Variants in NRG1 observed in about 807,000 individuals in gnomAD.
The protein encoded by NRG1 is neuregulin 1, also known as pro-neuregulin-1, membrane-bound isoform.
NRG1 carries 18 observed loss-of-function variants against 63.8 expected under a neutral mutation model. That is an observed-to-expected ratio of 0.28 (90% CI 0.19 to 0.42). NRG1 has a LOEUF of 0.42. Ranked by LOEUF, NRG1 falls within the 10% of genes least tolerant of loss-of-function variation. NRG1 has a pLI of 1.00. For synonymous variants in NRG1, 302 were observed against 301.3 expected (o/e 1.00, Z -0.02); for missense variants, 762 against 814.7 (o/e 0.94, Z 0.79).
At chr8:31,903,755 G>C (rs1832296705) in intron 1 of NRG1, among the ~76,000 whole-genome samples, 1 of 152,006 alleles carries the variant, frequency 6.6e-6, no homozygotes. Flanking sequence ...AGGAGTTCAA[G>C]ACCAGCCTGA....
intron 1 of NRG1, among the ~76,000 whole-genome samples, chr8:32,243,412 A>G (rs1848307919): frequency 6.8e-6 from 1 of 147,814 alleles, no homozygotes; most frequent in Non-Finnish European, 1.5e-5. Context: ...CCTGGGTGAC[A>G]GAGTAAGACT....
chr8:32,644,238 A>T (rs1563837092), intron 5 of NRG1, among the ~76,000 whole-genome samples: 2 of 152,166 alleles, frequency 1.3e-5, no homozygotes, highest in African/African-American at 4.8e-5. Context: ...GTAGTAAAAA[A>T]TTGTGTAGTT....
chr8:32,394,462 T>C (rs1042441480), intron 1 of NRG1, among the ~76,000 whole-genome samples: 2 of 152,226 alleles, frequency 1.3e-5, no homozygotes. Flanking sequence ...CAAACAGGAC[T>C]GACATTTTGC....
intron 1 of NRG1, among the ~76,000 whole-genome samples, chr8:31,736,448 TAG>T (rs1814673158): frequency 1.3e-5 from 2 of 152,088 alleles, no homozygotes; most frequent in Non-Finnish European, 2.9e-5. Context: ...CCCCAACACC[TAG>T]AACAGTGACG....
chr8:32,548,587 C>T (rs1240035525), exon 1 of NRG1: 2 of 1,337,170 alleles, frequency 1.5e-6, no homozygotes, highest in African/African-American at 1.5e-5. Flanking sequence ...GGGAGACGCC[C>T]CCGCGCAGCG....
At chr8:32,731,682 A>T (rs539337805) in intron 6 of NRG1, among the ~76,000 whole-genome samples, 76 of 152,282 alleles carry the variant, frequency 5.0e-4, no homozygotes, top group African/African-American at 1.8e-3. Flanking sequence ...AAAAATAATC[A>T]CTAGTCAGAA....
rs758316138 is a variant in NRG1 at position 32,760,190 on chromosome 8, T to G, written c.1053-10T>G. 8.7e-6 allele frequency: 14 copies of G among 1,613,722 alleles called. No homozygotes were observed. Among genetic ancestry groups the G allele is most frequent in the Non-Finnish European group, 8.5e-6 (10 of 1,179,826 alleles). ...GAAATATCTGATTGTCTCTCCCATT[T>G]CCTCCGCAGCTGGAGCAACGGACAC... On this transcript the variant is annotated splice_polypyrimidine_tract_variant and intron_variant, in intron 10 of 11. Transcript: ENST00000356819.
chr8:32,385,823 A>G (rs894168189), intron 1 of NRG1, among the ~76,000 whole-genome samples: 1 of 152,192 alleles, frequency 6.6e-6, no homozygotes, highest in Non-Finnish European at 1.5e-5. Flanking sequence ...CCTCACCTTC[A>G]GTTAAAGCAG....
chr8:32,548,877 A>ACTC (rs763438338), intron 1 of NRG1, 51 bp downstream of exon 1: 28 of 1,430,310 alleles, frequency 2.0e-5, no homozygotes, highest in African/African-American at 2.9e-5. Context: ...TGCTCCTCCT[A>ACTC]CTCCTCCTCC....
chr8:32,551,528 AG>A (rs1290615974), intron 1 of NRG1, among the ~76,000 whole-genome samples: 1 of 152,190 alleles, frequency 6.6e-6, no homozygotes, highest in East Asian at 1.9e-4. Context: ...GGAAATTTTC[AG>A]GGGGAAAAGG....
At chr8:32,031,453 C>T (rs556821551) in intron 1 of NRG1, among the ~76,000 whole-genome samples, 49 of 152,308 alleles carry the variant, frequency 3.2e-4, no homozygotes, top group South Asian at 2.1e-3. Context: ...CCTCCCCGCA[C>T]GGGCAGCTGC....
At chr8:31,767,111 C>G (rs1265893369) in intron 1 of NRG1, among the ~76,000 whole-genome samples, 1 of 152,046 alleles carries the variant, frequency 6.6e-6, no homozygotes, top group African/African-American at 2.4e-5. Flanking sequence ...GTTGGTCTTC[C>G]TCTTAACACG....
chr8:32,063,439 T>C (rs543267278), intron 1 of NRG1: 2 of 152,284 alleles, frequency 1.3e-5, no homozygotes, highest in South Asian at 2.1e-4. Flanking sequence ...CACAATATAC[T>C]GTATTGTTCA....
intron 1 of NRG1, among the ~76,000 whole-genome samples, chr8:32,413,875 G>T (rs1815466292): frequency 6.6e-6 from 1 of 151,570 alleles, no homozygotes; most frequent in African/African-American, 2.4e-5. Flanking sequence ...GGTGAACTGG[G>T]ACACAGGTAT....
chr8:31,764,660 T>C (rs948729549), intron 1 of NRG1, among the ~76,000 whole-genome samples: 2 of 152,220 alleles, frequency 1.3e-5, no homozygotes, highest in African/African-American at 4.8e-5. Flanking sequence ...ATGTCAATTA[T>C]GGGAGAATTT....
chr8:32,161,476 G>A lies in NRG1; in HGVS notation c.38-434352G>A, dbSNP rs544127171. ...AGTTATAGAATATTGGAGCATCCTC[G>A]GGTGAAAAATAATTGTGTCTATATT... On this transcript the variant is annotated intron_variant, in intron 1 of 10. Coordinates refer to the NRG1 transcript ENST00000519301. Among the ~76,000 whole-genome samples, 6 of 152,020 alleles carry A rather than the reference G, an allele frequency of 3.9e-5. No homozygotes were observed. In the South Asian group the frequency reaches 1.0e-3, roughly 26 times the overall value.
chr8:32,498,519 C>T (rs2347487), intron 1 of NRG1, among the ~76,000 whole-genome samples: 111,181 of 151,960 alleles, frequency 0.73, 40,982 homozygotes, highest in East Asian at 0.89. Context: ...CCATCAGATC[C>T]TGTGAGAACT....
intron 1 of NRG1, among the ~76,000 whole-genome samples, chr8:32,251,598 G>T (rs897548914): frequency 6.6e-6 from 1 of 152,142 alleles, no homozygotes; most frequent in Non-Finnish European, 1.5e-5. Context: ...GGGTCAAATG[G>T]TATTTCTGGT....
At chr8:31,913,039 A>C (rs561911105) in intron 1 of NRG1, among the ~76,000 whole-genome samples, 1 of 152,192 alleles carries the variant, frequency 6.6e-6, no homozygotes, top group Non-Finnish European at 1.5e-5. Flanking sequence ...TTCATCATTT[A>C]ATTTAATACA....
Sources: allele counts gnomAD v4.1 joint callset (sites outside exome capture counted in the v4.1 genomes callset), GRCh38; gene constraint gnomAD v4.1.1; transcripts MANE v1.5; gene names NCBI Gene and HGNC (gene_info 2026-07-23, HGNC 2026-07-21).